RFX8: variants seen among roughly 807,000 people sequenced by gnomAD.
RFX8 encodes regulatory factor X8, also known as DNA-binding protein RFX8.
Under a neutral mutation model 54.6 loss-of-function variants are expected in RFX8, and 46 were observed. The observed-to-expected ratio is 0.84, with a 90% CI of 0.67 to 1.08. The LOEUF (loss-of-function observed/expected upper bound fraction) is 1.08. Ranked by LOEUF, RFX8 falls within the 50% of genes least tolerant of loss-of-function variation. The pLI, the probability that RFX8 is intolerant of heterozygous loss-of-function variation, is 0.00. For synonymous variants in RFX8, 192 were observed against 209.5 expected, an observed-to-expected ratio of 0.92 and a Z score of 0.72; for missense variants, 536 against 562.3, an observed-to-expected ratio of 0.95 and a Z score of 0.47.
At chr2:101,464,804 A>G (rs1009197882) in intron 2 of RFX8, among the ~76,000 whole-genome samples, 1 of 152,184 alleles carries the variant, frequency 6.6e-6, no homozygotes, top group Non-Finnish European at 1.5e-5. Flanking sequence ...ATTACCATGA[A>G]GGTGAAACAG....
At chr2:101,397,831 T>C in intron 11 of RFX8, 107 bp from the exon 12 acceptor site, 1 of 901,834 alleles carries the variant, frequency 1.1e-6, no homozygotes, top group South Asian at 2.0e-5. Context: ...GCTCCCACCC[T>C]GGGATGTAAA....
intron 2 of RFX8, 31 bp from the exon 3 acceptor site, chr2:101,422,503 T>A: frequency 8.0e-7 from 1 of 1,249,126 alleles, no homozygotes; most frequent in Non-Finnish European, 1.1e-6. Flanking sequence ...GGATTATGTC[T>A]TTAAAATACA....
chr2:101,423,579 C>T (rs1381614646), intron 2 of RFX8, among the ~76,000 whole-genome samples: 1 of 152,192 alleles, frequency 6.6e-6, no homozygotes, highest in Non-Finnish European at 1.5e-5. Flanking sequence ...TTCTCTCAAA[C>T]CTCATGACCC....
intron 9 of RFX8, 127 bp from the exon 10 acceptor site, chr2:101,406,184 T>C (rs1292337903): frequency 2.5e-5 from 14 of 570,832 alleles, no homozygotes; most frequent in Non-Finnish European, 4.0e-5. Context: ...GAAGATGAAA[T>C]AACAAAAGCG....
intron 2 of RFX8, among the ~76,000 whole-genome samples, chr2:101,462,182 T>A (rs923103766): frequency 2.6e-5 from 4 of 152,094 alleles, no homozygotes; most frequent in Admixed American, 6.5e-5. Context: ...TCCCAGCACT[T>A]TGGGAGGCGG....
Position 101,397,410 on chromosome 2 carries a change from C to T in RFX8, c.*138G>A, listed in dbSNP as rs1040840320. 6.2e-5 allele frequency: 30 copies of T among 484,276 alleles called. No individual in the cohort carries two copies. The highest frequency in any genetic ancestry group is 4.8e-4 in the African/African-American group (24 of 50,078). The allele number at this position is 484,276 out of a possible 1,614,324, so 30.0% of individuals were successfully genotyped here. The stretch of plus-strand genomic sequence containing the variant: ...TTATCGAAACCACCTCCTTGAAATA[C>T]ATATAAACATAAAATAGACAATGCT... On this transcript the variant is annotated 3_prime_UTR_variant, in exon 12 of 12. Transcript: ENST00000428343.
At chr2:101,410,340 C>A (rs1686041851) in intron 9 of RFX8, among the ~76,000 whole-genome samples, 1 of 151,558 alleles carries the variant, frequency 6.6e-6, no homozygotes, top group African/African-American at 2.4e-5. Context: ...ATGCTCATCA[C>A]AGGCTCGCCC....
chr2:101,456,198 C>A (rs1688954466), intron 2 of RFX8, among the ~76,000 whole-genome samples: 1 of 152,272 alleles, frequency 6.6e-6, no homozygotes, highest in South Asian at 2.1e-4. Flanking sequence ...ATTGAATACC[C>A]TTTATTTCTT....
intron 9 of RFX8, among the ~76,000 whole-genome samples, chr2:101,408,126 G>A (rs1215541664): frequency 3.9e-5 from 6 of 152,178 alleles, no homozygotes; most frequent in South Asian, 2.1e-4. Context: ...AACACATAGC[G>A]CTCTGTGGTT....
At chr2:101,446,375 T>C (rs1481022655) in intron 2 of RFX8, among the ~76,000 whole-genome samples, 1 of 152,076 alleles carries the variant, frequency 6.6e-6, no homozygotes, top group Non-Finnish European at 1.5e-5. Context: ...GGGGCTTCAG[T>C]ATGTTGGCCA....
At chr2:101,452,281 T>A in intron 2 of RFX8, 1 of 616,614 alleles carries the variant, frequency 1.6e-6, no homozygotes. Context: ...TGGTAAGAGT[T>A]GTTATTTATA....
Position 101,410,181 on chromosome 2 carries a change from ACT to A in RFX8, c.813+436_813+437del, listed in dbSNP as rs1161221259. Among the ~76,000 whole-genome samples, 11 of 151,790 alleles carry A rather than the reference ACT, an allele frequency of 7.2e-5. No homozygotes were observed. In the East Asian group the frequency reaches 1.2e-3, roughly 16 times the overall value. ...CCCACTTACACACATGCTCACACAC[ACT>A]GTCACACACATGCTCACCTGTACAC... On this transcript the variant is annotated intron_variant, in intron 9 of 11. Transcript: ENST00000428343.
chr2:101,403,668 T>C (rs1225813452), intron 10 of RFX8, among the ~76,000 whole-genome samples: 1 of 151,974 alleles, frequency 6.6e-6, no homozygotes, highest in Non-Finnish European at 1.5e-5. Flanking sequence ...GTGCCTGTAG[T>C]CCCAGCTACT....
intron 2 of RFX8, among the ~76,000 whole-genome samples, chr2:101,440,741 G>T (rs1157867476): frequency 6.6e-6 from 1 of 152,172 alleles, no homozygotes; most frequent in Non-Finnish European, 1.5e-5. Context: ...TCTGCAAGTG[G>T]AGGTGGTCTT....
At chr2:101,415,019 A>T in intron 6 of RFX8, 107 bp from the exon 7 acceptor site, 1 of 825,008 alleles carries the variant, frequency 1.2e-6, no homozygotes, top group East Asian at 2.7e-5. Context: ...CAGCTGGCTA[A>T]ACTGCAACTT....
chr2:101,415,943 T>A (rs1216793333), intron 6 of RFX8, among the ~76,000 whole-genome samples: 2 of 152,212 alleles, frequency 1.3e-5, no homozygotes, highest in African/African-American at 2.4e-5. Flanking sequence ...CAGGAGGCAG[T>A]CCAAGCATAG....
At chr2:101,404,957 C>CT (rs1266896950) in intron 10 of RFX8, among the ~76,000 whole-genome samples, 1 of 152,144 alleles carries the variant, frequency 6.6e-6, no homozygotes, top group African/African-American at 2.4e-5. Context: ...GTGAGAGTAT[C>CT]TGGCAGCTCT....
intron 2 of RFX8, among the ~76,000 whole-genome samples, chr2:101,428,743 A>T (rs974364164): frequency 1.3e-5 from 2 of 152,206 alleles, no homozygotes; most frequent in Non-Finnish European, 2.9e-5. Flanking sequence ...TGTGCAGCCA[A>T]ACAGTACGTT....
chr2:101,434,873 C>G (rs1156472139), intron 2 of RFX8: 1 of 152,276 alleles, frequency 6.6e-6, no homozygotes, highest in Non-Finnish European at 1.5e-5. Flanking sequence ...CATCGGAGGC[C>G]TTGTTGGGGG....
Sources: allele counts gnomAD v4.1 joint callset (sites outside exome capture counted in the v4.1 genomes callset), GRCh38; gene constraint gnomAD v4.1.1; transcripts MANE v1.5; gene names NCBI Gene and HGNC (gene_info 2026-07-23, HGNC 2026-07-21).